Variants in KIAA0319L observed in about 807,000 individuals in gnomAD.
KIAA0319L encodes KIAA0319 like, also known as dyslexia-associated protein KIAA0319-like protein.
KIAA0319L carries 55 observed loss-of-function variants against 120.1 expected under a neutral mutation model. The observed-to-expected ratio is 0.46, with a 90% CI of 0.37 to 0.57. The LOEUF (loss-of-function observed/expected upper bound fraction) is 0.57. Among genes scored for constraint, KIAA0319L ranks in the 20% least tolerant of loss-of-function variants. The probability of loss-of-function intolerance (pLI) is 0.00; values close to 1 mark genes in which losing one functional copy is unlikely to be tolerated. For missense variants in KIAA0319L, 1,049 were observed against 1,255.3 expected, an observed-to-expected ratio of 0.84 and a Z score of 2.48; for synonymous variants, 398 against 471.9, an observed-to-expected ratio of 0.84 and a Z score of 2.03.
Position 35,497,383 on chromosome 1 carries a change from C to T in KIAA0319L, c.666+9229G>A, listed in dbSNP as rs775779898. ...CTCAATAAAGTCGTTAAAAAGAATACGTATGTAATGTATGATTCAATTTAT... is the reference window on the plus strand; with the variant it reads ...CTCAATAAAGTCGTTAAAAAGAATATGTATGTAATGTATGATTCAATTTAT... On this transcript the variant is annotated intron_variant, in intron 3 of 20. Transcript: ENST00000325722. Among the ~76,000 whole-genome samples the T allele has an allele frequency of 3.3e-5, 5 of 152,046 alleles. No homozygotes were observed. The South Asian group carries it at 6.2e-4, about 19-fold the overall frequency.
In KIAA0319L at chr1:35,434,822, C is replaced by T. The variant is rs1222775560; in HGVS notation, c.*72G>A. 6 of 1,377,686 alleles carry T rather than the reference C, an allele frequency of 4.4e-6. No homozygotes were observed. The highest frequency in any genetic ancestry group is 4.7e-5 in the East Asian group (2 of 42,298). 85.3% of individuals were successfully genotyped at this position (1,377,686 alleles called of 1,614,324 possible). On this transcript the variant is annotated 3_prime_UTR_variant, in exon 21 of 21. Transcript: ENST00000325722. ...AGCAGATGCTGGGACAGCAGCTGCC[C>T]GCAGACTCGGGAGGTAGGAGGACTG...
At position 35,506,390 on chromosome 1, in the gene KIAA0319L, T is replaced by C. The variant is rs1356556216; in HGVS notation, c.666+222A>G. ...ACTAGATAATGAGCAGCTTTCTGCA[T>C]TTACCAAAACAATGGTCAGACCTAC... On this transcript the variant is annotated intron_variant, in intron 3 of 20. Coordinates refer to ENST00000325722, the MANE Select transcript of KIAA0319L (RefSeq NM_024874.5). The surrounding 1 kb of genome is among the most constrained non-coding windows in gnomAD (Gnocchi z 4.0). Among the ~76,000 whole-genome samples the C allele has an allele frequency of 6.6e-6, 1 of 152,206 alleles. No homozygotes were observed. Among genetic ancestry groups the C allele is most frequent in the Non-Finnish European group, 1.5e-5 (1 of 68,040 alleles).
chr1:35,506,764 G>A lies in KIAA0319L; in HGVS notation c.514C>T (p.Pro172Ser), dbSNP rs1645220825. Residue 172 changes from proline to serine, a missense_variant, in exon 3 of 21, where the codon CCT (proline) becomes TCT (serine). By Grantham distance (74) the Pro-to-Ser change is moderately conservative (BLOSUM62 -1). Coordinates refer to ENST00000325722, the MANE Select transcript of KIAA0319L (RefSeq NM_024874.5). The surrounding 1 kb of genome is among the most constrained non-coding windows in gnomAD (Gnocchi z 4.0). Reference sequence around the variant, plus strand: ...TGCTGGTCACTGGAAGATACAGCAGGTCTGAGTGCAGCTCTGGGTGGGCTC... The same window carrying A: ...TGCTGGTCACTGGAAGATACAGCAGATCTGAGTGCAGCTCTGGGTGGGCTC... ...RQSPPRAALR[P>S]AVSSSDQQSL... is the part of the protein sequence containing the mutation. 6.2e-7 allele frequency: 1 copy of A among 1,614,222 alleles called. No homozygotes were observed. Among genetic ancestry groups the A allele is most frequent in the Non-Finnish European group, 8.5e-7 (1 of 1,180,032 alleles).
intron 1 of KIAA0319L, chr1:35,555,085 C>T (rs1160380060): frequency 6.6e-6 from 1 of 152,170 alleles, no homozygotes; most frequent in Non-Finnish European, 1.5e-5. Flanking sequence ...TGCTACCCAC[C>T]CCAATCCCTG....
intron 4 of KIAA0319L, 70 bp from the exon 5 acceptor site, chr1:35,474,976 T>A: frequency 4.6e-6 from 4 of 878,762 alleles, no homozygotes; most frequent in Middle Eastern, 2.2e-4. Context: ...CTTTCTTTTG[T>A]GATCAAACTC....
intron 2 of KIAA0319L, among the ~76,000 whole-genome samples, chr1:35,546,322 G>A (rs934851590): frequency 1.3e-5 from 2 of 152,180 alleles, no homozygotes; most frequent in Non-Finnish European, 2.9e-5. Flanking sequence ...GTGAGGAAAC[G>A]GTCTCAAGAA....
intron 2 of KIAA0319L, among the ~76,000 whole-genome samples, chr1:35,527,403 A>C (rs1646191703): frequency 6.6e-6 from 1 of 152,048 alleles, no homozygotes; most frequent in South Asian, 2.1e-4. Flanking sequence ...GGCTTCATAG[A>C]ATTATGAAGA....
At chr1:35,555,176 GA>G (rs2148525470) in intron 1 of KIAA0319L, among the ~76,000 whole-genome samples, 1 of 152,210 alleles carries the variant, frequency 6.6e-6, no homozygotes, top group South Asian at 2.1e-4. Flanking sequence ...TCTTCCAGCA[GA>G]AAAACTCATT....
At chr1:35,503,887 CTTTTTTT>C (rs1175289801) in intron 3 of KIAA0319L, among the ~76,000 whole-genome samples, 1 of 138,656 alleles carries the variant, frequency 7.2e-6, no homozygotes, top group Non-Finnish European at 1.6e-5. Context: ...TTGTGATTTT[CTTTTTTT>C]TTTTTTTTTG....
At chr1:35,526,384 C>T (rs199796110) in intron 2 of KIAA0319L, among the ~76,000 whole-genome samples, 17 of 110,806 alleles carry the variant, frequency 1.5e-4, no homozygotes, top group African/African-American at 6.8e-4. Flanking sequence ...TATATATATA[C>T]ATACATATAT....
chr1:35,450,388 CCA>C lies in KIAA0319L; in HGVS notation c.2182_2183del (p.Trp728AspfsTer4). On this transcript the variant is annotated frameshift_variant, in exon 14 of 21. Transcript: ENST00000325722. LOFTEE classifies it high-confidence loss of function. ...SDDKGIVSYL[W>X]TRDEGSPAAG... ...CTGCTGGGCTCCCCTCATCTCGAGT[CCA>C]GAGGTAGCTGACTATTCCCTTGTCA... 1.2e-6 allele frequency: 2 copies of C among 1,614,046 alleles called. No individual in the cohort carries two copies. The highest frequency in any genetic ancestry group is 2.2e-5 in the South Asian group (2 of 91,076).
chr1:35,462,225 T>C (rs1570686749), intron 8 of KIAA0319L, among the ~76,000 whole-genome samples: 1 of 152,136 alleles, frequency 6.6e-6, no homozygotes, highest in Admixed American at 6.6e-5. Context: ...GATGGCTGGG[T>C]AAAAGCTCCT....
intron 2 of KIAA0319L, among the ~76,000 whole-genome samples, chr1:35,553,395 A>G (rs1204955025): frequency 6.6e-6 from 1 of 151,926 alleles, no homozygotes; most frequent in African/African-American, 2.4e-5. Context: ...TCTGTCAAGT[A>G]CAACTTCCAC....
In KIAA0319L at chr1:35,534,867, A is replaced by G. The variant is rs1438492476; in HGVS notation, c.142+19483T>C. Among the ~76,000 whole-genome samples the G allele has an allele frequency of 7.7e-4, 111 of 143,426 alleles. 1 individual carries two copies. Among genetic ancestry groups the G allele is most frequent in the Middle Eastern group, 3.5e-3 (1 of 288 alleles). 94.1% of individuals were successfully genotyped at this position (143,426 alleles called of 152,430 possible). A position where few individuals can be genotyped will look rare whatever the true frequency, so the allele number is the denominator to read the frequency against. ...GAGCGAGACTCCGTCTCAAAAAAAAAAAAAAAAAAAAAAAAAGAAAGAAAA... is the reference window on the plus strand; with the variant it reads ...GAGCGAGACTCCGTCTCAAAAAAAAGAAAAAAAAAAAAAAAAGAAAGAAAA... On this transcript the variant is annotated intron_variant, in intron 2 of 20. Coordinates refer to ENST00000325722, the MANE Select transcript of KIAA0319L (RefSeq NM_024874.5).
chr1:35,489,249 T>A (rs955827323), intron 3 of KIAA0319L, among the ~76,000 whole-genome samples: 1 of 151,744 alleles, frequency 6.6e-6, no homozygotes, highest in African/African-American at 2.4e-5. Context: ...GGACTTTCTG[T>A]TCCAGTCAAG....
intron 16 of KIAA0319L, 39 bp from the exon 17 acceptor site, chr1:35,444,342 T>C: frequency 6.5e-7 from 1 of 1,538,044 alleles, no homozygotes; most frequent in Non-Finnish European, 8.8e-7. Flanking sequence ...GCTGAAGCGG[T>C]CCATACCTGC....
chr1:35,496,537 G>C (rs1335117486), intron 3 of KIAA0319L, among the ~76,000 whole-genome samples: 1 of 152,184 alleles, frequency 6.6e-6, no homozygotes, highest in Non-Finnish European at 1.5e-5. Context: ...AATGTTCCTA[G>C]CGTCTTAATC....
chr1:35,469,556 G>A (rs962236221), intron 6 of KIAA0319L, among the ~76,000 whole-genome samples: 47 of 151,274 alleles, frequency 3.1e-4, no homozygotes, highest in Non-Finnish European at 5.2e-4. Flanking sequence ...CCACATTTTC[G>A]CTCCCATTTT....
chr1:35,506,264 T>C lies in KIAA0319L; in HGVS notation c.666+348A>G, dbSNP rs1645199970. Among the ~76,000 whole-genome samples, 1 of 152,174 alleles carries C rather than the reference T, an allele frequency of 6.6e-6. No homozygotes were observed. The highest frequency in any genetic ancestry group is 2.4e-5 in the African/African-American group (1 of 41,432). On this transcript the variant is annotated intron_variant, in intron 3 of 20. Transcript: ENST00000325722. The surrounding 1 kb of genome is among the most constrained non-coding windows in gnomAD (Gnocchi z 4.0). The stretch of plus-strand genomic sequence containing the variant: ...GGAGGAGAACTTGACTGTAACCACA[T>C]CAATCAACTGTTTTGCAATTTGGCA...
Sources: allele counts gnomAD v4.1 joint callset (sites outside exome capture counted in the v4.1 genomes callset), GRCh38; gene constraint gnomAD v4.1.1; non-coding constraint Gnocchi (gnomAD v3.1); transcripts MANE v1.5; gene names NCBI Gene and HGNC (gene_info 2026-07-23, HGNC 2026-07-21).